NPHP4: variants seen among roughly 807,000 people sequenced by gnomAD.
NPHP4 encodes nephrocystin 4.
In NPHP4, 151 loss-of-function variants were observed where a neutral mutation model predicts 155.8. The ratio of observed to expected loss-of-function variants is 0.97; its 90% CI spans 0.85 to 1.11. The LOEUF (loss-of-function observed/expected upper bound fraction) is 1.11. Among genes scored for constraint, NPHP4 ranks in the 50% least tolerant of loss-of-function variants. The probability of loss-of-function intolerance (pLI) is 0.00; values close to 1 mark genes in which losing one functional copy is unlikely to be tolerated. For missense variants in NPHP4, 1,956 were observed against 1,925.7 expected, an observed-to-expected ratio of 1.02 and a Z score of -0.29; for synonymous variants, 845 against 816.8, an observed-to-expected ratio of 1.03 and a Z score of -0.59.
rs187400138 is a variant in NPHP4 at position 5,968,682 on chromosome 1, T to G, written c.452+405A>C. 4.6e-5 allele frequency among the ~76,000 whole-genome samples: 7 copies of G among 151,544 alleles called. No individual in the cohort carries two copies. The East Asian group carries it at 1.4e-3, about 29-fold the overall frequency. ...TGGACACACAACTTTAGATGACAAA[T>G]GTACAGCCTTCTACTGCCACCATAA... On this transcript the variant is annotated intron_variant, in intron 4 of 29. Coordinates refer to ENST00000378156, the MANE Select transcript of NPHP4 (RefSeq NM_015102.5).
chr1:5,905,831 C>T lies in NPHP4; in HGVS notation c.1612-48G>A, dbSNP rs887340934. ...AGTGAGGCCACCAAGGACCCCAACC[C>T]GTAACAACCAACGGTGCTCAGATCT... On this transcript the variant is annotated intron_variant, in intron 13 of 29. Coordinates refer to ENST00000378156, the MANE Select transcript of NPHP4 (RefSeq NM_015102.5). The surrounding 1 kb of genome is among the most constrained non-coding windows in gnomAD (Gnocchi z 4.0). 13 of 1,555,376 alleles carry T rather than the reference C, an allele frequency of 8.4e-6. No homozygotes were observed. The highest frequency in any genetic ancestry group is 2.7e-5 in the African/African-American group (2 of 73,430).
rs201090359 is a variant in NPHP4, at chr1:5,890,922, G to C, written c.2250C>G (p.Asp750Glu). The C allele has an allele frequency of 3.7e-6, 6 of 1,610,050 alleles. No individual in the cohort carries two copies. Among genetic ancestry groups the C allele is most frequent in the Non-Finnish European group, 5.1e-6 (6 of 1,177,986 alleles). Residue 750 changes from aspartate to glutamate, a missense_variant, in exon 17 of 30, where the codon GAC (aspartate) becomes GAG (glutamate). Coordinates refer to ENST00000378156, the MANE Select transcript of NPHP4 (RefSeq NM_015102.5). This position sits in a 1 kb window ranked among gnomAD's most constrained non-coding sequence, Gnocchi z 4.9. ...GCAGCAGGGAGTCTCCGTCCCAGAC[G>C]TCAATCTGCAGGGTCTGCACGGCCA... The part of the protein sequence containing the change: ...RYLAVQTLQI[D>E]VWDGDSLLLI...
chr1:5,960,026 G>C lies in NPHP4; in HGVS notation c.673+1768C>G, dbSNP rs939578959. Among the ~76,000 whole-genome samples, 27 of 152,316 alleles carry C rather than the reference G, an allele frequency of 1.8e-4. 1 individual carries two copies. Among genetic ancestry groups the C allele is most frequent in the South Asian group, 1.0e-3 (5 of 4,830 alleles). On this transcript the variant is annotated intron_variant, in intron 6 of 29. Transcript: ENST00000378156. ...GGGCCCTCCCTGGCCAGCAGAACAG[G>C]GGCCAGAAGGACAAGCCACGGACCA... is the stretch of plus-strand genomic sequence containing the variant.
chr1:5,898,506 T>G (rs1644506216), intron 16 of NPHP4, among the ~76,000 whole-genome samples: 1 of 152,210 alleles, frequency 6.6e-6, no homozygotes, highest in Admixed American at 6.5e-5. Context: ...TGCAGGGCCT[T>G]GGCACGAGCC....
Position 5,865,103 on chromosome 1 carries a change from T to G in NPHP4, c.3815A>C (p.Lys1272Thr). Residue 1272 changes from lysine (K) to threonine (T), a missense_variant and splice_region_variant, in exon 27 of 30, where the codon AAG (lysine) becomes ACG (threonine). Coordinates refer to ENST00000378156, the MANE Select transcript of NPHP4 (RefSeq NM_015102.5). ...RAFTSHPQEL[K>T]TDPKGVFVLP... Reference sequence around the variant, plus strand: ...GAACAGCCCCCAGAGAGGCCGTACCTTCAGCTCCTGGGGATGAGAGGTGAA... The same window carrying G: ...GAACAGCCCCCAGAGAGGCCGTACCGTCAGCTCCTGGGGATGAGAGGTGAA... 6.2e-7 allele frequency: 1 copy of G among 1,613,398 alleles called. No individual in the cohort carries two copies. Among genetic ancestry groups the G allele is most frequent in the Non-Finnish European group, 8.5e-7 (1 of 1,179,628 alleles).
At chr1:5,887,590 C>T (rs1643890048) in intron 17 of NPHP4, 124 bp from the exon 18 acceptor site, 26 of 977,676 alleles carry the variant, frequency 2.7e-5, no homozygotes, top group Admixed American at 4.9e-5. Flanking sequence ...GGGGTGTGCG[C>T]AGGATAAGAC....
chr1:5,865,942 G>A, intron 26 of NPHP4: 1 of 214,136 alleles, frequency 4.7e-6, no homozygotes, highest in Non-Finnish European at 9.5e-6. Flanking sequence ...AGGAGGGGAG[G>A]GGAAAGGGGC....
At chr1:5,870,468 G>A (rs1242372318) in intron 23 of NPHP4, among the ~76,000 whole-genome samples, 6 of 152,106 alleles carry the variant, frequency 3.9e-5, no homozygotes, top group Non-Finnish European at 8.8e-5. Context: ...AAAATCCATG[G>A]CAGGCAAGCA....
intron 16 of NPHP4, among the ~76,000 whole-genome samples, chr1:5,903,318 G>A (rs1016418305): frequency 1.3e-5 from 2 of 152,148 alleles, no homozygotes; most frequent in African/African-American, 2.4e-5. Context: ...TACTTTCTTG[G>A]TTATTGTTTA....
chr1:5,872,123 T>C (rs1642068130), intron 23 of NPHP4, among the ~76,000 whole-genome samples: 1 of 152,250 alleles, frequency 6.6e-6, no homozygotes, highest in Non-Finnish European at 1.5e-5. Flanking sequence ...GAAAGCATCC[T>C]GCAAATTCCA....
chr1:5,863,222 G>T lies in NPHP4; in HGVS notation c.*43C>A. ...CTGCAGGGCAGGAGGGGCACAGACA[G>T]GCCCCAGCTGGGTGCCGCAGGAAGG... On this transcript the variant is annotated 3_prime_UTR_variant, in exon 30 of 30. Transcript: ENST00000378156. The T allele has an allele frequency of 1.2e-6, 2 of 1,610,276 alleles. No homozygotes were observed. The highest frequency in any genetic ancestry group is 8.5e-7 in the Non-Finnish European group (1 of 1,176,654).
chr1:5,917,972 G>A (rs538215984), intron 11 of NPHP4, among the ~76,000 whole-genome samples: 1 of 152,332 alleles, frequency 6.6e-6, no homozygotes, highest in South Asian at 2.1e-4. Context: ...CTGGGACCAG[G>A]ACGAGCAGAG....
In NPHP4 at chr1:5,887,064, ATGACC is replaced by A. The variant is rs1365108726; in HGVS notation, c.2485+217_2485+221del. ...CATGCAGGAGAGCCCGAGATGACTG[ATGACC>A]TCTAACCCCAATCAGAAATTCAGAA... On this transcript the variant is annotated intron_variant, in intron 18 of 29. Transcript: ENST00000378156. 7 of 539,166 alleles carry A rather than the reference ATGACC, an allele frequency of 1.3e-5. No homozygotes were observed. In the African/African-American group the frequency reaches 1.3e-4, roughly 10 times the overall value. 33.4% of individuals were successfully genotyped at this position (539,166 alleles called of 1,614,324 possible).
At chr1:5,869,721 G>T (rs1307860566) in intron 23 of NPHP4, among the ~76,000 whole-genome samples, 1 of 152,172 alleles carries the variant, frequency 6.6e-6, no homozygotes, top group Non-Finnish European at 1.5e-5. Flanking sequence ...CGTACATAAA[G>T]ATGGCCAGTG....
intron 6 of NPHP4, 100 bp from the exon 7 acceptor site, chr1:5,952,936 C>T: frequency 1.7e-6 from 2 of 1,160,068 alleles, no homozygotes; most frequent in South Asian, 1.5e-5. Context: ...CCGGGGCCTG[C>T]AGCAACGAAG....
intron 11 of NPHP4, among the ~76,000 whole-genome samples, chr1:5,913,734 G>A (rs1008125269): frequency 6.6e-6 from 1 of 152,212 alleles, no homozygotes; most frequent in Non-Finnish European, 1.5e-5. Context: ...TCAAGCCCAT[G>A]GCTCTCAGCA....
chr1:5,888,690 C>T, intron 17 of NPHP4: 1 of 1,070,370 alleles, frequency 9.3e-7, no homozygotes, highest in Non-Finnish European at 1.3e-6. Flanking sequence ...AAACAAGGCA[C>T]CATTTTCCTC....
intron 16 of NPHP4, among the ~76,000 whole-genome samples, chr1:5,904,143 C>T (rs12062053): frequency 0.021 from 3,261 of 152,242 alleles, 93 homozygotes; most frequent in African/African-American, 0.071. Context: ...GAGACAGGTA[C>T]GGTGGCAGCA....
At chr1:5,908,615 A>C (rs1412103331) in intron 12 of NPHP4, among the ~76,000 whole-genome samples, 1 of 152,026 alleles carries the variant, frequency 6.6e-6, no homozygotes, top group East Asian at 1.9e-4. Context: ...CCCAGCGGGA[A>C]GGCGCCTCTC....
Sources: allele counts gnomAD v4.1 joint callset (sites outside exome capture counted in the v4.1 genomes callset), GRCh38; gene constraint gnomAD v4.1.1; non-coding constraint Gnocchi (gnomAD v3.1); transcripts MANE v1.5; gene names NCBI Gene and HGNC (gene_info 2026-07-23, HGNC 2026-07-21).